The following GAREM1 variants were observed in gnomAD, a reference collection of about 807,000 sequenced individuals.
GAREM1 encodes the protein GRB2 associated regulator of MAPK1 subtype 1.
A neutral mutation model predicts 71.3 loss-of-function variants in GAREM1; 26 were observed. The ratio of observed to expected loss-of-function variants is 0.36; its 90% CI spans 0.27 to 0.51. The LOEUF (loss-of-function observed/expected upper bound fraction) is 0.51. GAREM1 is among the 20% of genes least tolerant of loss of function. GAREM1 has a pLI of 0.95. For missense variants in GAREM1, 1,026 were observed against 1,103.1 expected (o/e 0.93, Z 0.99); for synonymous variants, 440 against 433.2 (o/e 1.02, Z -0.20).
chr18:32,398,210 C>T (rs555597689), intron 1 of GAREM1, among the ~76,000 whole-genome samples: 51 of 152,256 alleles, frequency 3.3e-4, no homozygotes, highest in Middle Eastern at 3.4e-3. Flanking sequence ...CAAGAGAAAG[C>T]AGGAAAGATC....
rs2041378903 is a variant in GAREM1 at position 32,266,731 on chromosome 18, G to A, written c.*1140C>T. 1 of 152,144 alleles carries A rather than the reference G, an allele frequency of 6.6e-6. No individual in the cohort carries two copies. Among genetic ancestry groups the A allele is most frequent in the African/African-American group, 2.4e-5 (1 of 41,422 alleles). The allele number at this position is 152,144 out of a possible 1,614,324, so 9.4% of individuals were successfully genotyped here. A position where few individuals can be genotyped will look rare whatever the true frequency, so the allele number is the denominator to read the frequency against. ...AAAGGCCGGTGCGTCTGATTTCTCA[G>A]CTCTCGTAAAGCATGAAGTAGGTTG... is the stretch of plus-strand genomic sequence containing the variant. On this transcript the variant is annotated 3_prime_UTR_variant, in exon 6 of 6. Transcript: ENST00000269209.
chr18:32,468,221 T>G (rs2049016372), intron 1 of GAREM1, among the ~76,000 whole-genome samples: 1 of 152,230 alleles, frequency 6.6e-6, no homozygotes, highest in Non-Finnish European at 1.5e-5. Flanking sequence ...ACAACAGTAT[T>G]CATTACATCA....
chr18:32,394,899 A>G (rs924753019), intron 1 of GAREM1, among the ~76,000 whole-genome samples: 12 of 152,324 alleles, frequency 7.9e-5, no homozygotes, highest in African/African-American at 2.9e-4. Flanking sequence ...TATTAATACA[A>G]CAGGCCCTGC....
intron 3 of GAREM1, among the ~76,000 whole-genome samples, chr18:32,306,514 C>T (rs1419875905): frequency 1.3e-5 from 2 of 152,068 alleles, no homozygotes; most frequent in African/African-American, 4.8e-5. Context: ...ACAGTCATGA[C>T]AATCAAAACT....
At chr18:32,415,482 CT>C (rs749557305) in intron 1 of GAREM1, among the ~76,000 whole-genome samples, 5 of 152,030 alleles carry the variant, frequency 3.3e-5, no homozygotes, top group Non-Finnish European at 5.9e-5. Flanking sequence ...CAACAAAATA[CT>C]AGCAAACTAA....
At chr18:32,356,999 G>A (rs568426831) in intron 2 of GAREM1, among the ~76,000 whole-genome samples, 28 of 152,238 alleles carry the variant, frequency 1.8e-4, no homozygotes, top group Middle Eastern at 3.4e-3. Context: ...CACAGCCTTC[G>A]TAGCACAATC....
chr18:32,276,865 A>G (rs2041549965), intron 4 of GAREM1, among the ~76,000 whole-genome samples: 1 of 152,108 alleles, frequency 6.6e-6, no homozygotes, highest in Admixed American at 6.6e-5. Flanking sequence ...AGAAGGCTGA[A>G]CCCCCAAAGG....
rs1049398635 is a variant in GAREM1, at chr18:32,420,945, G to A, written c.122-27910C>T. Among the ~76,000 whole-genome samples, 8 of 152,002 alleles carry A rather than the reference G, an allele frequency of 5.3e-5. No homozygotes were observed. In the South Asian group the frequency reaches 6.2e-4, roughly 12 times the overall value. On this transcript the variant is annotated intron_variant, in intron 1 of 5. Coordinates refer to ENST00000269209, the MANE Select transcript of GAREM1 (RefSeq NM_001242409.2). ...CTGGAGTTCCTTCCTCAGTATCTGC[G>A]CTGCATCTACCTATTTAGAGTAACA...
rs779968087 is a variant in GAREM1, at chr18:32,267,916, C to T, written c.2586G>A (p.Val862=). ...CATTAATGAATTGCATTATCTTCTT[C>T]ACCTGCAATTTGCTCAATTTGAAAT... ...SEDFKLSKLQ[V]KKIMQFINGW... Residue 862 remains valine, a synonymous_variant, in exon 6 of 6, where the codon GTG becomes GTA. Transcript: ENST00000269209. 3.1e-6 allele frequency: 5 copies of T among 1,613,718 alleles called. No homozygotes were observed. The highest frequency in any genetic ancestry group is 1.1e-5 in the South Asian group (1 of 91,040).
chr18:32,279,986 G>A (rs1301600760), intron 4 of GAREM1, among the ~76,000 whole-genome samples: 2 of 152,114 alleles, frequency 1.3e-5, no homozygotes, highest in Non-Finnish European at 2.9e-5. Context: ...ACTTAGGTAT[G>A]GCTTGCTTAC....
At chr18:32,330,217 C>T (rs1237515779) in intron 2 of GAREM1, among the ~76,000 whole-genome samples, 3 of 152,168 alleles carry the variant, frequency 2.0e-5, no homozygotes, top group Admixed American at 2.0e-4. Context: ...AACAAGGATA[C>T]AGCAAGAGGC....
intron 2 of GAREM1, among the ~76,000 whole-genome samples, chr18:32,364,320 C>A (rs2047907918): frequency 6.6e-6 from 1 of 151,696 alleles, no homozygotes; most frequent in Non-Finnish European, 1.5e-5. Context: ...CAGGCATGAG[C>A]CACTACACCC....
chr18:32,470,473 G>A lies in GAREM1; in HGVS notation c.-45C>T, dbSNP rs1388726188. 5.8e-5 allele frequency: 72 copies of A among 1,244,058 alleles called. No homozygotes were observed. The highest frequency in any genetic ancestry group is 7.1e-5 in the Non-Finnish European group (70 of 983,244). 77.1% of individuals were successfully genotyped at this position (1,244,058 alleles called of 1,614,324 possible). A position where few individuals can be genotyped will look rare whatever the true frequency, so the allele number is the denominator to read the frequency against. The stretch of plus-strand genomic sequence containing the variant: ...CCCGCGCTCCCCCGCCGCCGCCACC[G>A]GCACCACCCGCGCCTCGGCGGCCGC... On this transcript the variant is annotated 5_prime_UTR_variant, in exon 1 of 6. Coordinates refer to ENST00000269209, the MANE Select transcript of GAREM1 (RefSeq NM_001242409.2). The surrounding 1 kb of genome is among the most constrained non-coding windows in gnomAD (Gnocchi z 4.4).
At chr18:32,305,670 C>A (rs2047246837) in intron 3 of GAREM1, among the ~76,000 whole-genome samples, 1 of 152,210 alleles carries the variant, frequency 6.6e-6, no homozygotes, top group African/African-American at 2.4e-5. Flanking sequence ...CAGGCATGCA[C>A]CCCCATGCCC....
chr18:32,399,826 A>C (rs1447867775), intron 1 of GAREM1, among the ~76,000 whole-genome samples: 5 of 152,332 alleles, frequency 3.3e-5, no homozygotes, highest in African/African-American at 7.2e-5. Flanking sequence ...AAACTACTTT[A>C]AAGTTCATAT....
chr18:32,395,203 G>A (rs2048239451), intron 1 of GAREM1, among the ~76,000 whole-genome samples: 1 of 152,150 alleles, frequency 6.6e-6, no homozygotes, highest in Non-Finnish European at 1.5e-5. Flanking sequence ...ATGCCACAAT[G>A]TCTCTTACCT....
At chr18:32,380,050 C>A (rs898379583) in intron 2 of GAREM1, among the ~76,000 whole-genome samples, 2 of 152,104 alleles carry the variant, frequency 1.3e-5, no homozygotes, top group Non-Finnish European at 2.9e-5. Flanking sequence ...CTCCATTGCT[C>A]CCCCCTGAAT....
chr18:32,438,712 TCA>T (rs1345819889), intron 1 of GAREM1, among the ~76,000 whole-genome samples: 3 of 152,242 alleles, frequency 2.0e-5, no homozygotes, highest in Non-Finnish European at 4.4e-5. Flanking sequence ...CTGCTGAATC[TCA>T]GTTTTCTTAT....
At chr18:32,291,666 C>T (rs1467699265) in intron 3 of GAREM1, among the ~76,000 whole-genome samples, 1 of 151,404 alleles carries the variant, frequency 6.6e-6, no homozygotes, top group African/African-American at 2.4e-5. Context: ...CCCCAACAGG[C>T]CCCGGTGTGT....
Sources: allele counts gnomAD v4.1 joint callset (sites outside exome capture counted in the v4.1 genomes callset), GRCh38; gene constraint gnomAD v4.1.1; non-coding constraint Gnocchi (gnomAD v3.1); transcripts MANE v1.5; gene names NCBI Gene and HGNC (gene_info 2026-07-23, HGNC 2026-07-21).